TOPBP1: variants seen among roughly 807,000 people sequenced by gnomAD.
TOPBP1 encodes DNA topoisomerase 2-binding protein 1.
A neutral mutation model predicts 167.7 loss-of-function variants in TOPBP1; 28 were observed. That is an observed-to-expected ratio of 0.17 (90% CI 0.12 to 0.23). TOPBP1 has a LOEUF of 0.23. Among genes scored for constraint, TOPBP1 ranks in the 10% least tolerant of loss-of-function variants. The pLI, the probability that TOPBP1 is intolerant of heterozygous loss-of-function variation, is 1.00. For missense variants in TOPBP1, 1,554 were observed against 1,809.6 expected, an observed-to-expected ratio of 0.86 and a Z score of 2.56; for synonymous variants, 598 against 611.4, an observed-to-expected ratio of 0.98 and a Z score of 0.32.
At chr3:133,656,936 AT>A in intron 4 of TOPBP1, 79 bp from the exon 5 acceptor site, 1 of 1,298,064 alleles carries the variant, frequency 7.7e-7, no homozygotes. Flanking sequence ...TCATAAATAC[AT>A]TTTGCTGTTG....
rs1352389228 is a variant in TOPBP1, at chr3:133,612,408, G to A, written c.4016C>T (p.Thr1339Ile). Reference protein sequence around the residue: ...LHRSYLEACRTAGHFVQEEDY... With the variant: ...LHRSYLEACRIAGHFVQEEDY... ...ACACACCTGCACGAAGTGTCCAGCA[G>A]TCCTGCAGGCTTCAAGGTAGGAGCG... Residue 1339 changes from threonine to isoleucine, a missense_variant, in exon 24 of 28, where the codon ACT becomes ATT. Coordinates refer to ENST00000260810, the MANE Select transcript of TOPBP1 (RefSeq NM_007027.4). The A allele has an allele frequency of 5.6e-6, 9 of 1,613,870 alleles. No individual in the cohort carries two copies. The highest frequency in any genetic ancestry group is 7.6e-6 in the Non-Finnish European group (9 of 1,179,842).
intron 27 of TOPBP1, among the ~76,000 whole-genome samples, chr3:133,602,674 A>C (rs1322078543): frequency 6.6e-6 from 1 of 152,196 alleles, no homozygotes; most frequent in African/African-American, 2.4e-5. Context: ...TGTGGGATAG[A>C]TGATTTGTGC....
At chr3:133,629,971 A>G (rs1411848223) in intron 14 of TOPBP1, among the ~76,000 whole-genome samples, 1 of 152,012 alleles carries the variant, frequency 6.6e-6, no homozygotes, top group Non-Finnish European at 1.5e-5. Context: ...TATTTTTAGT[A>G]GAGACAGGGT....
intron 27 of TOPBP1, among the ~76,000 whole-genome samples, chr3:133,602,434 G>C (rs1934335109): frequency 6.6e-6 from 1 of 152,168 alleles, no homozygotes; most frequent in South Asian, 2.1e-4. Context: ...TGGAAACTCA[G>C]ATCTTCAGGG....
chr3:133,654,980 TG>T (rs1291021693), intron 6 of TOPBP1, among the ~76,000 whole-genome samples: 1 of 151,844 alleles, frequency 6.6e-6, no homozygotes, highest in East Asian at 1.9e-4. Context: ...GAGGTTGAGG[TG>T]GGAAGATCAA....
At position 133,644,367 on chromosome 3, in the gene TOPBP1, A is replaced by T; in HGVS notation, c.1505-4T>A. 1.3e-6 allele frequency: 2 copies of T among 1,548,170 alleles called. No homozygotes were observed. The highest frequency in any genetic ancestry group is 4.5e-5 in the East Asian group (2 of 44,278). The stretch of plus-strand genomic sequence containing the variant: ...GCTTCAGACGTCTTAGCCTCAACTG[A>T]AAGAGAAAAGTAAATGTTTTCTAAC... On this transcript the variant is annotated splice_polypyrimidine_tract_variant and splice_region_variant and intron_variant, in intron 10 of 27. Transcript: ENST00000260810.
intron 23 of TOPBP1, among the ~76,000 whole-genome samples, chr3:133,614,833 G>C (rs1018994223): frequency 7.4e-6 from 1 of 134,710 alleles, no homozygotes; most frequent in East Asian, 2.7e-4. Context: ...GTCCTGGGGT[G>C]GGGGGAGGGG....
intron 23 of TOPBP1, among the ~76,000 whole-genome samples, chr3:133,615,837 G>A (rs965806574): frequency 1.3e-5 from 2 of 152,020 alleles, no homozygotes; most frequent in Non-Finnish European, 2.9e-5. Context: ...GAATTCCTAG[G>A]CTCAAGCAAT....
At chr3:133,620,077 G>C (rs1935030404) in intron 20 of TOPBP1, 78 bp downstream of exon 20, 1 of 1,421,506 alleles carries the variant, frequency 7.0e-7, no homozygotes, top group Non-Finnish European at 9.4e-7. Context: ...CAAGCTCATG[G>C]AATTGAGTCA....
At position 133,654,991 on chromosome 3, in the gene TOPBP1, A is replaced by G. The variant is rs541271064; in HGVS notation, c.742+299T>C. 1.3e-3 allele frequency among the ~76,000 whole-genome samples: 201 copies of G among 152,208 alleles called. 2 individuals are homozygous for G. The highest frequency in any genetic ancestry group is 1.7e-3 in the Non-Finnish European group (113 of 68,012). ...TTGGGAGGTTGAGGTGGGAAGATCA[A>G]TTGAGGTCAGTTAGAGACCAGTCTG... On this transcript the variant is annotated intron_variant, in intron 6 of 27. Transcript: ENST00000260810.
chr3:133,618,016 T>C (rs1934956408), intron 21 of TOPBP1, 197 bp downstream of exon 21: 1 of 549,050 alleles, frequency 1.8e-6, no homozygotes, highest in African/African-American at 1.9e-5. Context: ...TATGAAAATG[T>C]TTTTCAATTT....
intron 14 of TOPBP1, among the ~76,000 whole-genome samples, chr3:133,633,311 G>C (rs1935553415): frequency 6.6e-6 from 1 of 152,066 alleles, no homozygotes; most frequent in Non-Finnish European, 1.5e-5. Context: ...CAATCCACTG[G>C]CCAATTTTCT....
chr3:133,610,716 T>A (rs1934646965), intron 25 of TOPBP1, among the ~76,000 whole-genome samples: 2 of 152,070 alleles, frequency 1.3e-5, no homozygotes, highest in African/African-American at 4.8e-5. Flanking sequence ...TTTCTCCCCA[T>A]GCAAAGTACA....
At chr3:133,632,890 C>T (rs1003337098) in intron 14 of TOPBP1, among the ~76,000 whole-genome samples, 1 of 152,082 alleles carries the variant, frequency 6.6e-6, no homozygotes, top group Middle Eastern at 3.2e-3. Flanking sequence ...CTCCTGCCTC[C>T]GCCTACCAAC....
rs1227112425 is a variant in TOPBP1 at position 133,638,039 on chromosome 3, A to C, written c.2357T>G (p.Phe786Cys). 1.3e-5 allele frequency: 21 copies of C among 1,613,984 alleles called. No individual in the cohort carries two copies. The highest frequency in any genetic ancestry group is 1.7e-5 in the Non-Finnish European group (20 of 1,179,878). ...TVVTPLDMNRFQSKAFRAVVS... is the reference protein window; with the variant it reads ...TVVTPLDMNRCQSKAFRAVVS... ...CACAGCACGGAAAGCTTTACTCTGA[A>C]AGCGGTTCATATCTAAAGGTGTAAC... Residue 786 changes from phenylalanine to cysteine, a missense_variant, in exon 14 of 28, where the codon TTT becomes TGT. Transcript: ENST00000260810.
chr3:133,601,067 A>G lies in TOPBP1; in HGVS notation c.*183T>C. On this transcript the variant is annotated 3_prime_UTR_variant, in exon 28 of 28. Coordinates refer to ENST00000260810, the MANE Select transcript of TOPBP1 (RefSeq NM_007027.4). ...ATTTCAGGTAACTTTTTATTAAGAA[A>G]CAGTTAATATTTCAGTGATTACAAT... 1 of 440,728 alleles carries G rather than the reference A, an allele frequency of 2.3e-6. No individual in the cohort carries two copies. Among genetic ancestry groups the G allele is most frequent in the Non-Finnish European group, 4.0e-6 (1 of 251,646 alleles). 27.3% of individuals were successfully genotyped at this position (440,728 alleles called of 1,614,324 possible).
At chr3:133,628,509 T>C (rs1449227339) in intron 15 of TOPBP1, 38 bp from the exon 16 acceptor site, 4 of 1,604,898 alleles carry the variant, frequency 2.5e-6, no homozygotes, top group African/African-American at 1.3e-5. Flanking sequence ...TCAGTCATTA[T>C]TGTTTGAAAT....
chr3:133,604,586 T>C (rs763061858), intron 27 of TOPBP1, among the ~76,000 whole-genome samples: 1 of 151,910 alleles, frequency 6.6e-6, no homozygotes, highest in Non-Finnish European at 1.5e-5. Context: ...GGAAAAGCGC[T>C]GTATCTAGTA....
intron 23 of TOPBP1, among the ~76,000 whole-genome samples, chr3:133,616,224 A>T (rs1237534347): frequency 6.6e-6 from 1 of 151,110 alleles, no homozygotes; most frequent in Non-Finnish European, 1.5e-5. Context: ...GGTTCAAGCG[A>T]TTCTCTTGCC....
Sources: gnomAD v4.1 joint callset for allele counts (sites outside exome capture counted in the v4.1 genomes callset) on GRCh38, gnomAD v4.1.1 for gene constraint, MANE v1.5 for transcripts, NCBI Gene and HGNC (gene_info 2026-07-23, HGNC 2026-07-21) for gene names.